The following PTPN3 variants were observed in gnomAD, a reference collection of about 807,000 sequenced individuals.
PTPN3 encodes the protein tyrosine-protein phosphatase non-receptor type 3.
Under a neutral mutation model 132.7 loss-of-function variants are expected in PTPN3, and 96 were observed. That is an observed-to-expected ratio of 0.72 (90% CI 0.61 to 0.86). The LOEUF (loss-of-function observed/expected upper bound fraction) is 0.86, where lower values mean the gene tolerates loss of function less well. Ranked by LOEUF, PTPN3 falls within the 40% of genes least tolerant of loss-of-function variation. The probability of loss-of-function intolerance (pLI) is 0.00; values close to 1 mark genes in which losing one functional copy is unlikely to be tolerated. For missense variants in PTPN3, 1,125 were observed against 1,159.6 expected, an observed-to-expected ratio of 0.97 and a Z score of 0.43; for synonymous variants, 398 against 429.0, an observed-to-expected ratio of 0.93 and a Z score of 0.89.
At chr9:109,482,559 G>T (rs1412657149) in intron 1 of PTPN3, among the ~76,000 whole-genome samples, 2 of 152,108 alleles carry the variant, frequency 1.3e-5, no homozygotes, top group African/African-American at 4.8e-5. Flanking sequence ...TGTTTTAAAT[G>T]CTGTCACCTA....
At chr9:109,429,058 G>C (rs775681318) in intron 10 of PTPN3, 11 of 985,258 alleles carry the variant, frequency 1.1e-5, no homozygotes, top group Non-Finnish European at 1.3e-5. Context: ...GACCTGGTCC[G>C]AACCCCAGCT....
chr9:109,485,744 C>T (rs975248312), intron 1 of PTPN3, among the ~76,000 whole-genome samples: 2 of 152,030 alleles, frequency 1.3e-5, no homozygotes, highest in African/African-American at 2.4e-5. Context: ...AGACTGAGTA[C>T]GGGAGAGCCT....
intron 5 of PTPN3, among the ~76,000 whole-genome samples, chr9:109,452,266 CA>C (rs1158259516): frequency 0.015 from 1,070 of 71,624 alleles, 2 homozygotes; most frequent in Non-Finnish European, 0.021. Context: ...AGCTCCGTCT[CA>C]AAAAAAAAAA....
chr9:109,424,635 AGTCCAGCCTTCC>A (rs1843115381), intron 12 of PTPN3, among the ~76,000 whole-genome samples: 1 of 152,218 alleles, frequency 6.6e-6, no homozygotes, highest in Admixed American at 6.5e-5. Context: ...AGTCCAGGTG[AGTCCAGCCTTCC>A]AACCATTCCA....
At chr9:109,451,118 G>A (rs1471401390) in intron 5 of PTPN3, 5 of 967,200 alleles carry the variant, frequency 5.2e-6, no homozygotes, top group African/African-American at 1.8e-5. Flanking sequence ...GCAGCTAGTC[G>A]TGGTGGTATG....
chr9:109,481,678 T>A (rs1301177769), intron 1 of PTPN3, among the ~76,000 whole-genome samples: 3 of 152,232 alleles, frequency 2.0e-5, no homozygotes, highest in Non-Finnish European at 4.4e-5. Context: ...ATTTTAGTAG[T>A]GAACTGCCAT....
intron 1 of PTPN3, among the ~76,000 whole-genome samples, chr9:109,466,124 C>T (rs1213368019): frequency 6.6e-6 from 1 of 152,148 alleles, no homozygotes; most frequent in African/African-American, 2.4e-5. Flanking sequence ...AGATGCGAAG[C>T]CCCACAAGGC....
chr9:109,406,878 T>C (rs916209700), intron 17 of PTPN3, among the ~76,000 whole-genome samples: 2 of 152,230 alleles, frequency 1.3e-5, no homozygotes, highest in Non-Finnish European at 2.9e-5. Context: ...CTGAAGCCAT[T>C]TCTCCGTGGT....
At chr9:109,466,947 CATT>C (rs1430761109) in intron 1 of PTPN3, among the ~76,000 whole-genome samples, 1 of 151,714 alleles carries the variant, frequency 6.6e-6, no homozygotes, top group Non-Finnish European at 1.5e-5. Context: ...GGTCTCATAT[CATT>C]ATATTTAAGG....
intron 16 of PTPN3, among the ~76,000 whole-genome samples, chr9:109,408,796 A>ATAT (rs1554783378): frequency 0.029 from 3,099 of 107,956 alleles, 78 homozygotes; most frequent in African/African-American, 0.067. Context: ...AAAAAAAAAA[A>ATAT]ATATATATAT....
At chr9:109,406,380 T>C in intron 18 of PTPN3, 82 bp downstream of exon 18, 1 of 1,454,960 alleles carries the variant, frequency 6.9e-7, no homozygotes, top group Non-Finnish European at 9.3e-7. Flanking sequence ...CTCAACATTT[T>C]CAAGAGCAGA....
At position 109,445,268 on chromosome 9, in the gene PTPN3, T is replaced by G; in HGVS notation, c.438A>C (p.Ala146=). 6.2e-7 allele frequency: 1 copy of G among 1,613,902 alleles called. No homozygotes were observed. The highest frequency in any genetic ancestry group is 8.5e-7 in the Non-Finnish European group (1 of 1,179,752). ...GTACGGCATAGGACGCTAGAACCAC[T>G]GCTGAGTTAAGAGGGCAGGTTAACC... ...EGRLTCPLNS[A]VVLASYAVQS... The change falls in exon 7 of 26, where the codon GCA becomes GCC. Residue 146 remains alanine, a synonymous_variant. Coordinates refer to ENST00000374541, the MANE Select transcript of PTPN3 (RefSeq NM_002829.4).
At chr9:109,465,048 A>G (rs1041004642) in intron 1 of PTPN3, among the ~76,000 whole-genome samples, 7 of 152,228 alleles carry the variant, frequency 4.6e-5, no homozygotes, top group Non-Finnish European at 7.3e-5. Flanking sequence ...TGATTTGTGT[A>G]CTTTTCCATA....
At chr9:109,450,252 AT>A (rs1845162711) in intron 5 of PTPN3, 1 of 985,330 alleles carries the variant, frequency 1.0e-6, no homozygotes, top group Non-Finnish European at 1.2e-6. Flanking sequence ...CCTATTTGGT[AT>A]TGGAATCTCC....
the PTPN3 span, among the ~76,000 whole-genome samples, chr9:109,530,044 T>C: frequency 2.0e-5 from 3 of 152,268 alleles, no homozygotes; most frequent in Admixed American, 2.0e-4. Context: ...CCACCATGTC[T>C]AGCACATCTT....
chr9:109,452,729 T>C (rs1374889266), intron 5 of PTPN3, among the ~76,000 whole-genome samples: 1 of 152,118 alleles, frequency 6.6e-6, no homozygotes, highest in Non-Finnish European at 1.5e-5. Flanking sequence ...ACTACTTTTT[T>C]ATTTTTATTT....
chr9:109,463,378 C>A lies in PTPN3; in HGVS notation c.57G>T (p.Glu19Asp). 2.5e-6 allele frequency: 4 copies of A among 1,613,808 alleles called. No homozygotes were observed. Among genetic ancestry groups the A allele is most frequent in the Non-Finnish European group, 3.4e-6 (4 of 1,179,930 alleles). Residue 19 changes from glutamate to aspartate, a missense_variant, in exon 2 of 26, where the codon GAG (glutamate) becomes GAT (aspartate). Coordinates refer to ENST00000374541, the MANE Select transcript of PTPN3 (RefSeq NM_002829.4). Reference protein sequence around the residue: ...GGRINNIRTSELPKEKTRSEV... With the variant: ...GGRINNIRTSDLPKEKTRSEV... Reference sequence around the variant, plus strand: ...CTGATCGAGTTTTCTCTTTGGGTAACTCCGAGGTGCGTATATTATTAATTC... The same window carrying A: ...CTGATCGAGTTTTCTCTTTGGGTAAATCCGAGGTGCGTATATTATTAATTC...
At chr9:109,482,458 GTGTTAGTT>G (rs1847006032) in intron 1 of PTPN3, among the ~76,000 whole-genome samples, 1 of 148,214 alleles carries the variant, frequency 6.7e-6, no homozygotes, top group Non-Finnish European at 1.5e-5. Flanking sequence ...AACCCCACAT[GTGTTAGTT>G]TTTCTATTCT....
At chr9:109,433,644 G>A (rs1843819195) in intron 9 of PTPN3, among the ~76,000 whole-genome samples, 1 of 152,180 alleles carries the variant, frequency 6.6e-6, no homozygotes, top group Non-Finnish European at 1.5e-5. Flanking sequence ...GGTGGCTCAC[G>A]CCTATAATCC....
Sources: allele counts gnomAD v4.1 joint callset (sites outside exome capture counted in the v4.1 genomes callset), GRCh38; gene constraint gnomAD v4.1.1; transcripts MANE v1.5; gene names NCBI Gene and HGNC (gene_info 2026-07-23, HGNC 2026-07-21).